PTPRD: variants seen among roughly 807,000 people sequenced by gnomAD.
PTPRD encodes the protein protein tyrosine phosphatase receptor type D.
PTPRD carries 34 observed loss-of-function variants against 214.5 expected under a neutral mutation model. That is an observed-to-expected ratio of 0.16 (90% CI 0.12 to 0.21). The LOEUF (loss-of-function observed/expected upper bound fraction) is 0.21, where lower values mean the gene tolerates loss of function less well. Ranked by LOEUF, PTPRD falls within the 10% of genes least tolerant of loss-of-function variation. PTPRD has a pLI of 1.00. For missense variants in PTPRD, 2,545 were observed against 2,398.7 expected (o/e 1.06, Z -1.27); for synonymous variants, 1,128 against 845.7 (o/e 1.33, Z -5.79).
chr9:10,412,199 C>A (rs183446785), intron 2 of PTPRD, among the ~76,000 whole-genome samples: 1 of 151,684 alleles, frequency 6.6e-6, no homozygotes, highest in Admixed American at 6.6e-5. Flanking sequence ...GAGAGAAGAT[C>A]CAAATAACAT....
At chr9:9,491,301 C>T (rs969920201) in intron 8 of PTPRD, among the ~76,000 whole-genome samples, 1 of 151,570 alleles carries the variant, frequency 6.6e-6, no homozygotes, top group African/African-American at 2.4e-5. Flanking sequence ...ACATATGAAA[C>T]AAAAACTGAT....
At chr9:9,315,431 G>A (rs1962213821) in intron 9 of PTPRD, among the ~76,000 whole-genome samples, 1 of 151,802 alleles carries the variant, frequency 6.6e-6, no homozygotes, top group Non-Finnish European at 1.5e-5. Context: ...GGATAATTAG[G>A]TTTTTAAAAA....
At chr9:9,701,953 T>C (rs1044127456) in intron 7 of PTPRD, among the ~76,000 whole-genome samples, 1 of 152,040 alleles carries the variant, frequency 6.6e-6, no homozygotes, top group Non-Finnish European at 1.5e-5. Flanking sequence ...ACTCCGTCTC[T>C]ACTAAAAATA....
chr9:9,359,618 G>A (rs2055226261), intron 9 of PTPRD, among the ~76,000 whole-genome samples: 1 of 151,206 alleles, frequency 6.6e-6, no homozygotes, highest in Non-Finnish European at 1.5e-5. Flanking sequence ...CTCACATGGA[G>A]ATGTGGTATG....
intron 10 of PTPRD, among the ~76,000 whole-genome samples, chr9:9,129,588 T>G (rs1461748094): frequency 6.6e-6 from 1 of 152,178 alleles, no homozygotes; most frequent in African/African-American, 2.4e-5. Context: ...ACAAATTTTA[T>G]ATCACTATAG....
Position 8,393,728 on chromosome 9 carries a change from G to A in PTPRD, c.4211-4321C>T, listed in dbSNP as rs1379373179. ...ATTAATAACAGTGATGTCAATAGTT[G>A]TAACCCCATAAATAATTGTTTAGCC... On this transcript the variant is annotated intron_variant, in intron 36 of 45. Coordinates refer to ENST00000381196, the MANE Select transcript of PTPRD (RefSeq NM_002839.4). Among the ~76,000 whole-genome samples, 3 of 152,048 alleles carry A rather than the reference G, an allele frequency of 2.0e-5. No homozygotes were observed. The East Asian group carries it at 5.8e-4, about 29-fold the overall frequency.
intron 37 of PTPRD, 122 bp from the exon 38 acceptor site, chr9:8,376,848 G>A: frequency 1.5e-6 from 2 of 1,342,288 alleles, no homozygotes; most frequent in East Asian, 2.4e-5. Context: ...ATCTTTTTCT[G>A]GCATGCATTT....
In PTPRD at chr9:9,574,755, C is replaced by T. The variant is rs563717520; in HGVS notation, c.-260G>A. On this transcript the variant is annotated 5_prime_UTR_variant, in exon 8 of 46. Transcript: ENST00000381196. Reference sequence around the variant, plus strand: ...ACCGTAAGCTCACAGGTTAGGAATTCGAAGAAAAAGTTCACCACCCTGAGA... The same window carrying T: ...ACCGTAAGCTCACAGGTTAGGAATTTGAAGAAAAAGTTCACCACCCTGAGA... 17 of 151,872 alleles carry T rather than the reference C, an allele frequency of 1.1e-4. No homozygotes were observed. The highest frequency in any genetic ancestry group is 4.1e-4 in the African/African-American group (17 of 41,432). 9.4% of individuals were successfully genotyped at this position (151,872 alleles called of 1,614,324 possible).
intron 11 of PTPRD, among the ~76,000 whole-genome samples, chr9:8,967,845 T>C (rs1338411347): frequency 6.6e-6 from 1 of 152,128 alleles, no homozygotes; most frequent in African/African-American, 2.4e-5. Context: ...GTTGGTGTGC[T>C]GCATCCATTA....
At chr9:9,878,980 G>T (rs963332671) in intron 5 of PTPRD, among the ~76,000 whole-genome samples, 2 of 152,040 alleles carry the variant, frequency 1.3e-5, no homozygotes, top group African/African-American at 4.8e-5. Flanking sequence ...ATGAATAAAT[G>T]GGAGGAGATT....
intron 30 of PTPRD, among the ~76,000 whole-genome samples, chr9:8,481,723 C>T (rs549377763): frequency 2.6e-5 from 4 of 152,238 alleles, no homozygotes; most frequent in African/African-American, 9.6e-5. Flanking sequence ...ATTCTGTCTT[C>T]TTCCACGAAA....
intron 29 of PTPRD, 132 bp from the exon 30 acceptor site, chr9:8,484,510 A>C: frequency 2.3e-6 from 2 of 863,742 alleles, no homozygotes; most frequent in Non-Finnish European, 3.4e-6. Context: ...TTCTAAGTCC[A>C]TGAGTAGTCA....
chr9:10,556,389 T>G (rs984246759), intron 2 of PTPRD, among the ~76,000 whole-genome samples: 5 of 152,100 alleles, frequency 3.3e-5, no homozygotes, highest in Admixed American at 1.3e-4. Context: ...GGGGATATTA[T>G]GAAAACAGTG....
chr9:10,348,925 C>G (rs980770266), intron 2 of PTPRD, among the ~76,000 whole-genome samples: 1 of 151,988 alleles, frequency 6.6e-6, no homozygotes, highest in African/African-American at 2.4e-5. Flanking sequence ...AGATTTTTAC[C>G]TTCAAGCTTA....
At position 8,835,972 on chromosome 9, in the gene PTPRD, C is replaced by T. The variant is rs145995814; in HGVS notation, c.-103-102026G>A. Reference sequence around the variant, plus strand: ...ATATTTGGATGGCCTGCTGCATCCTCAGTGCCTGGATCCACGTCTGTAACA... The same window carrying T: ...ATATTTGGATGGCCTGCTGCATCCTTAGTGCCTGGATCCACGTCTGTAACA... On this transcript the variant is annotated intron_variant, in intron 11 of 45. Transcript: ENST00000381196. Among the ~76,000 whole-genome samples the T allele has an allele frequency of 5.3e-5, 8 of 152,330 alleles. No homozygotes were observed. The South Asian group carries it at 1.0e-3, about 20-fold the overall frequency.
chr9:9,948,806 T>C (rs1323234475), intron 4 of PTPRD, among the ~76,000 whole-genome samples: 2 of 151,962 alleles, frequency 1.3e-5, no homozygotes, highest in Non-Finnish European at 2.9e-5. Flanking sequence ...ATCTCAACAG[T>C]AGGTATAAGG....
At chr9:10,335,602 C>A (rs750029495) in intron 3 of PTPRD, among the ~76,000 whole-genome samples, 1 of 150,984 alleles carries the variant, frequency 6.6e-6, no homozygotes, top group South Asian at 2.1e-4. Context: ...AACTGGAATT[C>A]GTTAAAATAA....
At chr9:10,054,313 T>G (rs1463657577) in intron 3 of PTPRD, among the ~76,000 whole-genome samples, 1 of 152,158 alleles carries the variant, frequency 6.6e-6, no homozygotes, top group Non-Finnish European at 1.5e-5. Flanking sequence ...GCAGAGAAAT[T>G]TTATGCGTCT....
chr9:9,086,157 T>A (rs1319305332), intron 10 of PTPRD, among the ~76,000 whole-genome samples: 1 of 152,210 alleles, frequency 6.6e-6, no homozygotes, highest in Non-Finnish European at 1.5e-5. Context: ...CGAATTGAAG[T>A]GTGACCTCTA....
Sources: gnomAD v4.1 joint callset for allele counts (sites outside exome capture counted in the v4.1 genomes callset) on GRCh38, gnomAD v4.1.1 for gene constraint, MANE v1.5 for transcripts, NCBI Gene and HGNC (gene_info 2026-07-23, HGNC 2026-07-21) for gene names.